Variants in RTF2 observed in about 807,000 individuals in gnomAD.
RTF2 encodes the protein replication termination factor 2, also known as UPF0549 protein C20orf43.
In RTF2, 18 loss-of-function variants were observed where a neutral mutation model predicts 38.0. The ratio of observed to expected loss-of-function variants is 0.47; its 90% CI spans 0.33 to 0.70. RTF2 has a LOEUF of 0.70. RTF2 is among the 30% of genes least tolerant of loss of function. The probability of loss-of-function intolerance (pLI) is 0.02; values close to 1 mark genes in which losing one functional copy is unlikely to be tolerated. For missense variants in RTF2, 311 were observed against 379.6 expected, an observed-to-expected ratio of 0.82 and a Z score of 1.50; for synonymous variants, 126 against 137.1, an observed-to-expected ratio of 0.92 and a Z score of 0.57.
intron 5 of RTF2, among the ~76,000 whole-genome samples, chr20:56,503,451 C>G (rs140148187): frequency 6.6e-6 from 1 of 152,298 alleles, no homozygotes; most frequent in Non-Finnish European, 1.5e-5. Flanking sequence ...TTGAATCTGC[C>G]TCTCATGTGA....
intron 5 of RTF2, among the ~76,000 whole-genome samples, chr20:56,487,430 A>G (rs1982853134): frequency 6.6e-6 from 1 of 152,212 alleles, no homozygotes; most frequent in Non-Finnish European, 1.5e-5. Flanking sequence ...CAGGTGACGA[A>G]CAGGAGCGAG....
intron 5 of RTF2, among the ~76,000 whole-genome samples, chr20:56,486,590 A>G (rs936013658): frequency 7.2e-5 from 11 of 152,192 alleles, no homozygotes; most frequent in Non-Finnish European, 1.6e-4. Flanking sequence ...TGGAGGTTAC[A>G]GTGACCCAAG....
chr20:56,494,730 T>C (rs1429197377), intron 5 of RTF2, among the ~76,000 whole-genome samples: 2 of 152,218 alleles, frequency 1.3e-5, no homozygotes, highest in Non-Finnish European at 2.9e-5. Context: ...GGTATTTGAT[T>C]TACATTTTTT....
At chr20:56,472,349 A>G (rs989640243) in intron 1 of RTF2, 7 of 1,544,748 alleles carry the variant, frequency 4.5e-6, no homozygotes, top group Non-Finnish European at 6.1e-6. Flanking sequence ...AGAATGGGAA[A>G]GAGTGGTGCA....
chr20:56,515,143 A>G (rs773061823), intron 6 of RTF2, among the ~76,000 whole-genome samples: 2 of 152,166 alleles, frequency 1.3e-5, no homozygotes, highest in Non-Finnish European at 2.9e-5. Context: ...GGTTTTCTAA[A>G]TTACTATGAT....
At chr20:56,497,233 G>A in intron 5 of RTF2, 2 of 1,551,878 alleles carry the variant, frequency 1.3e-6, no homozygotes, top group Middle Eastern at 1.7e-4. Flanking sequence ...CTGAGAAGCT[G>A]CACAAACATG....
At chr20:56,483,200 TG>T (rs541854567) in intron 4 of RTF2, among the ~76,000 whole-genome samples, 185 of 152,340 alleles carry the variant, frequency 1.2e-3, no homozygotes, top group African/African-American at 4.2e-3. Context: ...CTTGTGGGCA[TG>T]TTTCTGTAAG....
chr20:56,468,672 C>G lies in RTF2; in HGVS notation c.-26C>G. 7 of 1,557,894 alleles carry G rather than the reference C, an allele frequency of 4.5e-6. No individual in the cohort carries two copies. Among genetic ancestry groups the G allele is most frequent in the South Asian group, 1.2e-5 (1 of 84,574 alleles). ...CGGAAGTGACAGCTTTGGGGGTTTG[C>G]TGCTGGCTCTGACTCCCGTCCTGCG... On this transcript the variant is annotated 5_prime_UTR_variant, in exon 1 of 9. Coordinates refer to ENST00000357348, the MANE Select transcript of RTF2 (RefSeq NM_016407.5).
intron 3 of RTF2, 129 bp downstream of exon 3, chr20:56,474,900 A>G: frequency 5.4e-6 from 3 of 556,462 alleles, no homozygotes; most frequent in Non-Finnish European, 9.5e-6. Flanking sequence ...CATCTAATAC[A>G]GGTATGATCT....
intron 5 of RTF2, among the ~76,000 whole-genome samples, chr20:56,497,835 T>G (rs1983657888): frequency 6.6e-6 from 1 of 152,242 alleles, no homozygotes; most frequent in Non-Finnish European, 1.5e-5. Context: ...ATCCTCTTTC[T>G]TTCCATCCAC....
Position 56,477,140 on chromosome 20 carries a change from G to C in RTF2, c.398+16G>C. 6.2e-7 allele frequency: 1 copy of C among 1,611,686 alleles called. No individual in the cohort carries two copies. The highest frequency in any genetic ancestry group is 8.5e-7 in the Non-Finnish European group (1 of 1,179,182). Reference sequence around the variant, plus strand: ...GCCGACACAGGTTAGTGACGGACCTGGGACAGATGATGTGGGAGGCTGGAG... The same window carrying C: ...GCCGACACAGGTTAGTGACGGACCTCGGACAGATGATGTGGGAGGCTGGAG... On this transcript the variant is annotated intron_variant, in intron 4 of 8. Coordinates refer to ENST00000357348, the MANE Select transcript of RTF2 (RefSeq NM_016407.5).
At chr20:56,484,777 A>T (rs1982701767) in intron 5 of RTF2, among the ~76,000 whole-genome samples, 1 of 152,176 alleles carries the variant, frequency 6.6e-6, no homozygotes, top group Non-Finnish European at 1.5e-5. Context: ...CTTTGCTTTA[A>T]TGGCGCTGCT....
intron 1 of RTF2, chr20:56,472,228 AAATT>A (rs1302442088): frequency 1.3e-6 from 1 of 767,366 alleles, no homozygotes; most frequent in African/African-American, 1.8e-5. Flanking sequence ...CTCAAAAAAT[AAATT>A]AATAAAATAA....
chr20:56,504,372 A>G (rs1178973781), intron 5 of RTF2: 2 of 152,258 alleles, frequency 1.3e-5, no homozygotes, highest in Non-Finnish European at 2.9e-5. Flanking sequence ...AGAAAACTGC[A>G]GGATGAAATC....
At chr20:56,478,439 G>A (rs1982369520) in intron 4 of RTF2, among the ~76,000 whole-genome samples, 1 of 152,180 alleles carries the variant, frequency 6.6e-6, no homozygotes, top group Admixed American at 6.5e-5. Context: ...AGGCTGCAGT[G>A]AGGTATGATC....
intron 5 of RTF2, among the ~76,000 whole-genome samples, chr20:56,493,604 T>TA (rs1360793226): frequency 9.4e-5 from 14 of 148,872 alleles, no homozygotes; most frequent in Non-Finnish European, 1.5e-4. Context: ...TGCAGTGAGC[T>TA]ATGATCATAC....
At position 56,517,989 on chromosome 20, in the gene RTF2, T is replaced by C. The variant is rs376983940; in HGVS notation, c.743-98T>C. 2.9e-3 allele frequency: 3,646 copies of C among 1,238,808 alleles called. 24 individuals are homozygous for C. The highest frequency in any genetic ancestry group is 0.014 in the South Asian group (940 of 69,516). The allele number at this position is 1,238,808 out of a possible 1,614,324, so 76.7% of individuals were successfully genotyped here. A position where few individuals can be genotyped will look rare whatever the true frequency, so the allele number is the denominator to read the frequency against. On this transcript the variant is annotated intron_variant, in intron 8 of 8. Coordinates refer to ENST00000357348, the MANE Select transcript of RTF2 (RefSeq NM_016407.5). ...CACTCACACAGCCAGCAAGAGAACGTCTGGGACAGAGTGACTGATGGGCTT... is the reference window on the plus strand; with the variant it reads ...CACTCACACAGCCAGCAAGAGAACGCCTGGGACAGAGTGACTGATGGGCTT...
intron 5 of RTF2, among the ~76,000 whole-genome samples, chr20:56,486,275 T>C (rs149491782): frequency 0.013 from 1,980 of 152,304 alleles, 56 homozygotes; most frequent in African/African-American, 0.046. Context: ...CAAAACTGTT[T>C]GGTATTCTCT....
rs1186664080 is a variant in RTF2, at chr20:56,484,048, C to T, written c.399-63C>T. ...TGTGGTTCTTGGCCTTTGTATCAAC[C>T]GAATAAATGTGAATTGATCATGTGA... is the stretch of plus-strand genomic sequence containing the variant. On this transcript the variant is annotated intron_variant, in intron 4 of 8. Coordinates refer to ENST00000357348, the MANE Select transcript of RTF2 (RefSeq NM_016407.5). The T allele has an allele frequency of 1.2e-4, 167 of 1,406,158 alleles. 1 individual carries two copies. In the Admixed American group the frequency reaches 2.5e-3, roughly 21 times the overall value. 87.1% of individuals were successfully genotyped at this position (1,406,158 alleles called of 1,614,324 possible).
Sources: gnomAD v4.1 joint callset for allele counts (sites outside exome capture counted in the v4.1 genomes callset) on GRCh38, gnomAD v4.1.1 for gene constraint, MANE v1.5 for transcripts, NCBI Gene and HGNC (gene_info 2026-07-23, HGNC 2026-07-21) for gene names.